ZNRF3: variants seen among roughly 807,000 people sequenced by gnomAD.
The protein encoded by ZNRF3 is E3 ubiquitin-protein ligase ZNRF3.
In ZNRF3, 23 loss-of-function variants were observed where a neutral mutation model predicts 72.5. The observed-to-expected ratio is 0.32, with a 90% CI of 0.23 to 0.45. The LOEUF (loss-of-function observed/expected upper bound fraction) is 0.45, where lower values mean the gene tolerates loss of function less well. Among genes scored for constraint, ZNRF3 ranks in the 20% least tolerant of loss-of-function variants. The pLI is 1.00. For missense variants in ZNRF3, 1,169 were observed against 1,272.1 expected (o/e 0.92, Z 1.23); for synonymous variants, 610 against 545.3 (o/e 1.12, Z -1.65).
At chr22:29,020,696 A>T (rs2036518104) in intron 2 of ZNRF3, among the ~76,000 whole-genome samples, 1 of 151,772 alleles carries the variant, frequency 6.6e-6, no homozygotes, top group Non-Finnish European at 1.5e-5. Flanking sequence ...CCCAGAGTCC[A>T]GGTGGGCTCT....
At chr22:28,889,537 A>G (rs1334692728) in intron 1 of ZNRF3, among the ~76,000 whole-genome samples, 1 of 152,158 alleles carries the variant, frequency 6.6e-6, no homozygotes, top group Non-Finnish European at 1.5e-5. Context: ...TCTGTACCAG[A>G]CACTGTATTG....
chr22:29,006,316 C>T (rs1443860348), intron 2 of ZNRF3, among the ~76,000 whole-genome samples: 3 of 146,012 alleles, frequency 2.1e-5, no homozygotes, highest in South Asian at 2.2e-4. Context: ...CGGGTTAAAG[C>T]GATTCTCCTG....
At chr22:28,904,313 G>C (rs2034163970) in intron 1 of ZNRF3, among the ~76,000 whole-genome samples, 1 of 152,130 alleles carries the variant, frequency 6.6e-6, no homozygotes, top group African/African-American at 2.4e-5. Flanking sequence ...GCATTCTTAA[G>C]AGCTCGAACA....
At chr22:28,964,731 A>G (rs1330084673) in intron 1 of ZNRF3, among the ~76,000 whole-genome samples, 1 of 152,240 alleles carries the variant, frequency 6.6e-6, no homozygotes, top group African/African-American at 2.4e-5. Flanking sequence ...CAGAAGGTAA[A>G]GCTGCTTAGC....
chr22:28,979,059 C>G (rs2035723115), intron 1 of ZNRF3, among the ~76,000 whole-genome samples: 1 of 152,004 alleles, frequency 6.6e-6, no homozygotes, highest in African/African-American at 2.4e-5. Flanking sequence ...AACTATAAAA[C>G]TCTCCTCAGT....
intron 2 of ZNRF3, among the ~76,000 whole-genome samples, chr22:29,008,311 C>G (rs1016856777): frequency 6.6e-6 from 1 of 152,156 alleles, no homozygotes; most frequent in Non-Finnish European, 1.5e-5. Context: ...TGGATTCCCC[C>G]GAGGAACGAG....
intron 2 of ZNRF3, among the ~76,000 whole-genome samples, chr22:29,037,255 A>G (rs2036883777): frequency 6.6e-6 from 1 of 152,172 alleles, no homozygotes; most frequent in African/African-American, 2.4e-5. Flanking sequence ...GGGTATAACT[A>G]CACACACTGG....
intron 2 of ZNRF3, among the ~76,000 whole-genome samples, chr22:29,001,010 C>A (rs2036131317): frequency 6.6e-6 from 1 of 150,624 alleles, no homozygotes; most frequent in South Asian, 2.1e-4. Context: ...AGGTTGGTCA[C>A]CAACTCCTGG....
intron 2 of ZNRF3, among the ~76,000 whole-genome samples, chr22:29,027,666 T>C (rs1447481326): frequency 6.6e-6 from 1 of 152,168 alleles, no homozygotes; most frequent in East Asian, 1.9e-4. Flanking sequence ...AACTGGGACG[T>C]CCCTGCATGT....
intron 1 of ZNRF3, among the ~76,000 whole-genome samples, chr22:28,890,766 C>T (rs58628308): frequency 0.021 from 2,449 of 119,132 alleles, 77 homozygotes; most frequent in African/African-American, 0.084. Flanking sequence ...CTCTCTCTCT[C>T]TTTTTTTTTT....
chr22:28,955,977 G>T (rs2035253479), intron 1 of ZNRF3, among the ~76,000 whole-genome samples: 1 of 152,116 alleles, frequency 6.6e-6, no homozygotes, highest in Non-Finnish European at 1.5e-5. Context: ...TCCTGTTGAG[G>T]TGTCCCACAA....
intron 1 of ZNRF3, among the ~76,000 whole-genome samples, chr22:28,909,697 C>T (rs2034278086): frequency 6.6e-6 from 1 of 151,794 alleles, no homozygotes; most frequent in Non-Finnish European, 1.5e-5. Flanking sequence ...CCTCCTGCCT[C>T]AGCCTCCTGA....
At chr22:28,951,444 G>A (rs1202110005) in intron 1 of ZNRF3, among the ~76,000 whole-genome samples, 1 of 152,162 alleles carries the variant, frequency 6.6e-6, no homozygotes, top group African/African-American at 2.4e-5. Flanking sequence ...AGTGATTGGG[G>A]TGATGATTCC....
At position 29,048,331 on chromosome 22, in the gene ZNRF3, C is replaced by A; in HGVS notation, c.913-58C>A. ...ACTCCTTGGTCTATGCTGGACTCTG[C>A]AGGAGGACACACCTGCGAGGCTGAA... On this transcript the variant is annotated intron_variant, in intron 6 of 8. Coordinates refer to ENST00000544604, the MANE Select transcript of ZNRF3 (RefSeq NM_001206998.2). The surrounding 1 kb of genome is among the most constrained non-coding windows in gnomAD (Gnocchi z 4.9). The A allele has an allele frequency of 6.8e-7, 1 of 1,472,454 alleles. No individual in the cohort carries two copies. The highest frequency in any genetic ancestry group is 9.5e-7 in the Non-Finnish European group (1 of 1,056,066). The allele number at this position is 1,472,454 out of a possible 1,614,324, so 91.2% of individuals were successfully genotyped here.
intron 2 of ZNRF3, among the ~76,000 whole-genome samples, chr22:29,010,480 G>T (rs76720635): frequency 6.6e-6 from 1 of 151,916 alleles, no homozygotes; most frequent in Non-Finnish European, 1.5e-5. Flanking sequence ...TACATACCAC[G>T]TTTTGGTTAT....
In ZNRF3 at chr22:28,949,784, A is replaced by G. The variant is rs182296647; in HGVS notation, c.301-37292A>G. 9.8e-4 allele frequency among the ~76,000 whole-genome samples: 149 copies of G among 152,338 alleles called. 1 individual carries two copies. Among genetic ancestry groups the G allele is most frequent in the South Asian group, 6.4e-3 (31 of 4,826 alleles). On this transcript the variant is annotated intron_variant, in intron 1 of 8. Coordinates refer to ENST00000544604, the MANE Select transcript of ZNRF3 (RefSeq NM_001206998.2). ...GAAAATGCCTGCCCTGCACTCATCTATATAACTGTACTTTAAGGTCAGTTA... is the reference window on the plus strand; with the variant it reads ...GAAAATGCCTGCCCTGCACTCATCTGTATAACTGTACTTTAAGGTCAGTTA...
At chr22:28,912,724 G>A (rs1221861004) in intron 1 of ZNRF3, among the ~76,000 whole-genome samples, 42 of 146,628 alleles carry the variant, frequency 2.9e-4, no homozygotes, top group South Asian at 2.1e-4. Flanking sequence ...GAGTGCAATG[G>A]TTCAATCTCA....
intron 1 of ZNRF3, among the ~76,000 whole-genome samples, chr22:28,956,115 G>T (rs902344994): frequency 6.6e-6 from 1 of 152,126 alleles, no homozygotes; most frequent in African/African-American, 2.4e-5. Flanking sequence ...TGGCGACGGG[G>T]ATGTCTGGCC....
intron 1 of ZNRF3, among the ~76,000 whole-genome samples, chr22:28,965,220 G>C (rs2035438790): frequency 6.6e-6 from 1 of 152,108 alleles, no homozygotes; most frequent in Non-Finnish European, 1.5e-5. Context: ...GACATTATAA[G>C]GTTGTTGTTA....
Sources: allele counts gnomAD v4.1 joint callset (sites outside exome capture counted in the v4.1 genomes callset), GRCh38; gene constraint gnomAD v4.1.1; non-coding constraint Gnocchi (gnomAD v3.1); transcripts MANE v1.5; gene names NCBI Gene and HGNC (gene_info 2026-07-23, HGNC 2026-07-21).